The following FMN1 variants were observed in gnomAD, a reference collection of about 807,000 sequenced individuals.
FMN1 encodes formin-1.
Under a neutral mutation model 132.4 loss-of-function variants are expected in FMN1, and 110 were observed. The observed-to-expected ratio is 0.83, with a 90% CI of 0.71 to 0.97. FMN1 has a LOEUF of 0.97. FMN1 is among the 50% of genes least tolerant of loss of function. The probability of loss-of-function intolerance (pLI) is 0.00; values close to 1 mark genes in which losing one functional copy is unlikely to be tolerated. For synonymous variants in FMN1, 722 were observed against 651.7 expected (o/e 1.11, Z -1.64); for missense variants, 1,792 against 1,705.3 (o/e 1.05, Z -0.90).
At chr15:33,135,612 G>A (rs1235465750) in intron 4 of FMN1, among the ~76,000 whole-genome samples, 1 of 152,216 alleles carries the variant, frequency 6.6e-6, no homozygotes, top group Non-Finnish European at 1.5e-5. Context: ...TCGTGCCAGA[G>A]GTTAGTGAAG....
intron 2 of FMN1, among the ~76,000 whole-genome samples, chr15:33,190,481 A>T (rs1966035496): frequency 6.6e-6 from 1 of 152,182 alleles, no homozygotes; most frequent in Non-Finnish European, 1.5e-5. Flanking sequence ...TGAGAGGTCC[A>T]TATTTTTCCT....
At chr15:32,867,540 T>G (rs149715043) in intron 16 of FMN1, among the ~76,000 whole-genome samples, 1,866 of 151,932 alleles carry the variant, frequency 0.012, 15 homozygotes, top group Middle Eastern at 0.034. Flanking sequence ...GTCTCGCTCT[T>G]TCACCCAGGC....
At chr15:32,912,694 C>G (rs1157367574) in intron 10 of FMN1, among the ~76,000 whole-genome samples, 1 of 151,732 alleles carries the variant, frequency 6.6e-6, no homozygotes, top group East Asian at 1.9e-4. Flanking sequence ...GGAGAGGTAA[C>G]TGCAAAGACA....
chr15:33,033,286 T>C (rs561435130), intron 6 of FMN1, among the ~76,000 whole-genome samples: 158 of 152,288 alleles, frequency 1.0e-3, no homozygotes, highest in Non-Finnish European at 1.8e-3. Context: ...CACCTCAGCC[T>C]CCCAAAGTGC....
chr15:33,062,621 CA>C, intron 6 of FMN1: 1 of 151,962 alleles, frequency 6.6e-6, no homozygotes, highest in Non-Finnish European at 1.5e-5. Context: ...GACTCCATCT[CA>C]AAAAAATAGT....
chr15:32,783,020 G>T (rs1402042690), intron 19 of FMN1, among the ~76,000 whole-genome samples: 1 of 151,984 alleles, frequency 6.6e-6, no homozygotes, highest in East Asian at 1.9e-4. Flanking sequence ...GACAGTGAGG[G>T]TCAACAAATA....
At chr15:33,088,668 A>G in intron 5 of FMN1, 131 bp downstream of exon 5, 1 of 803,790 alleles carries the variant, frequency 1.2e-6, no homozygotes, top group East Asian at 2.9e-5. Flanking sequence ...TCTGCAGCCC[A>G]CTGATTTTTT....
intron 4 of FMN1, among the ~76,000 whole-genome samples, chr15:33,126,689 G>A (rs1013047136): frequency 7.0e-5 from 8 of 113,840 alleles, no homozygotes; most frequent in Admixed American, 3.8e-4. Flanking sequence ...TCAGCAGACA[G>A]GAAGCGAAGG....
chr15:32,779,549 T>C (rs1311504579), intron 19 of FMN1, among the ~76,000 whole-genome samples: 1 of 152,112 alleles, frequency 6.6e-6, no homozygotes, highest in East Asian at 1.9e-4. Context: ...AGTTTTCTTG[T>C]AGGGAGATAC....
At chr15:32,994,683 A>G (rs1419229466) in intron 7 of FMN1, among the ~76,000 whole-genome samples, 1 of 152,202 alleles carries the variant, frequency 6.6e-6, no homozygotes, top group Non-Finnish European at 1.5e-5. Flanking sequence ...ATCAATACAT[A>G]TTGAATGATT....
chr15:32,872,939 A>G (rs1028058445), intron 16 of FMN1, among the ~76,000 whole-genome samples: 7 of 79,496 alleles, frequency 8.8e-5, no homozygotes, highest in East Asian at 3.8e-4. Flanking sequence ...GAAGAGAGGG[A>G]AAAAAAAAAG....
At chr15:32,901,809 T>C (rs1411762294) in intron 13 of FMN1, 102 bp downstream of exon 13, 2 of 882,798 alleles carry the variant, frequency 2.3e-6, no homozygotes, top group Non-Finnish European at 3.2e-6. Context: ...ACATACAATC[T>C]GAGTCCAAAA....
chr15:33,118,902 T>C (rs1306863285), intron 4 of FMN1, among the ~76,000 whole-genome samples: 1 of 146,632 alleles, frequency 6.8e-6, no homozygotes, highest in East Asian at 2.0e-4. Flanking sequence ...AGATTGGCCG[T>C]AAACCTTCCT....
At chr15:32,806,170 A>T (rs1037599817) in intron 17 of FMN1, among the ~76,000 whole-genome samples, 1 of 152,236 alleles carries the variant, frequency 6.6e-6, no homozygotes, top group Non-Finnish European at 1.5e-5. Context: ...TTAGGGCTAC[A>T]ATGATGTAAA....
intron 7 of FMN1, among the ~76,000 whole-genome samples, chr15:32,973,008 A>T (rs968451482): frequency 5.3e-5 from 8 of 152,088 alleles, no homozygotes; most frequent in Admixed American, 3.9e-4. Flanking sequence ...GCTATTTGTC[A>T]AGTGTTATTG....
intron 6 of FMN1, among the ~76,000 whole-genome samples, chr15:33,026,468 AT>A (rs2035681581): frequency 2.7e-5 from 4 of 149,362 alleles, no homozygotes; most frequent in Non-Finnish European, 6.0e-5. Flanking sequence ...GTTTAGCCTT[AT>A]AATCAGTGAG....
intron 17 of FMN1, among the ~76,000 whole-genome samples, chr15:32,834,871 CCACA>C (rs980507170): frequency 6.6e-6 from 1 of 152,182 alleles, no homozygotes; most frequent in Non-Finnish European, 1.5e-5. Context: ...TTCATATTCA[CCACA>C]CAGAGAAATC....
At chr15:32,984,427 A>T (rs2032920643) in intron 7 of FMN1, among the ~76,000 whole-genome samples, 1 of 152,194 alleles carries the variant, frequency 6.6e-6, no homozygotes, top group Non-Finnish European at 1.5e-5. Flanking sequence ...CCATCAATAT[A>T]GTAAGCTGCA....
At chr15:32,897,026 C>T (rs1348727521) in intron 15 of FMN1, among the ~76,000 whole-genome samples, 2 of 152,206 alleles carry the variant, frequency 1.3e-5, no homozygotes, top group East Asian at 3.9e-4. Flanking sequence ...TATATTCCCA[C>T]TGATGGTGCT....
Sources: gnomAD v4.1 joint callset for allele counts (sites outside exome capture counted in the v4.1 genomes callset) on GRCh38, gnomAD v4.1.1 for gene constraint, MANE v1.5 for transcripts, NCBI Gene and HGNC (gene_info 2026-07-23, HGNC 2026-07-21) for gene names.